Variants in UBIAD1 observed in about 807,000 individuals in gnomAD.
The protein encoded by UBIAD1 is ubiA prenyltransferase domain-containing protein 1.
In UBIAD1, 12 loss-of-function variants were observed where a neutral mutation model predicts 20.1. The observed-to-expected ratio is 0.60, with a 90% CI of 0.38 to 0.97. The LOEUF (loss-of-function observed/expected upper bound fraction) is 0.97, where lower values mean the gene tolerates loss of function less well. Ranked by LOEUF, UBIAD1 falls within the 50% of genes least tolerant of loss-of-function variation. The pLI is 0.00. For synonymous variants in UBIAD1, 207 were observed against 189.2 expected (o/e 1.09, Z -0.77); for missense variants, 333 against 419.5 (o/e 0.79, Z 1.80).
At chr1:11,294,957 C>A in exon 2 of UBIAD1, 1 of 717,454 alleles carries the variant, frequency 1.4e-6, no homozygotes, top group Non-Finnish European at 2.6e-6. Flanking sequence ...GACCTGCCTT[C>A]TAGACCTGCC....
At chr1:11,281,171 C>T (rs1363320048) in intron 1 of UBIAD1, among the ~76,000 whole-genome samples, 2 of 152,154 alleles carry the variant, frequency 1.3e-5, no homozygotes, top group African/African-American at 4.8e-5. Context: ...GGTTCACTTT[C>T]TCACTTCCTT....
intron 1 of UBIAD1, among the ~76,000 whole-genome samples, chr1:11,294,121 G>A (rs919734022): frequency 6.6e-6 from 1 of 152,186 alleles, no homozygotes; most frequent in Non-Finnish European, 1.5e-5. Context: ...ACCAGGCACT[G>A]TTCTGATGCT....
At chr1:11,289,128 G>A (rs1170521151), downstream of UBIAD1, among the ~76,000 whole-genome samples, 1 of 152,218 alleles carries the variant, frequency 6.6e-6, no homozygotes, top group Non-Finnish European at 1.5e-5. Flanking sequence ...GCAGAGAGAC[G>A]TGGGATGGAT....
intron 1 of UBIAD1, chr1:11,278,743 G>T (rs1652143764): frequency 1.5e-6 from 1 of 673,414 alleles, no homozygotes; most frequent in South Asian, 2.5e-5. Flanking sequence ...ACACTGGTGT[G>T]CTGCGGTCAT....
intron 1 of UBIAD1, among the ~76,000 whole-genome samples, chr1:11,274,481 T>TA (rs1309958012): frequency 1.3e-5 from 2 of 151,768 alleles, no homozygotes; most frequent in Admixed American, 1.3e-4. Flanking sequence ...GTATTTTTAT[T>TA]AGAGACGGGG....
At chr1:11,288,724 G>A (rs377484434), downstream of UBIAD1, among the ~76,000 whole-genome samples, 25 of 152,180 alleles carry the variant, frequency 1.6e-4, no homozygotes, top group East Asian at 2.3e-3. Context: ...CCTAAGTAAC[G>A]TAGTAAGACC....
intron 1 of UBIAD1, chr1:11,293,635 C>T (rs1236726138): frequency 6.6e-6 from 1 of 152,208 alleles, no homozygotes; most frequent in Non-Finnish European, 1.5e-5. Flanking sequence ...AGGTGAGTTC[C>T]ACTTGGGGTT....
chr1:11,282,225 T>C (rs1277316461), intron 1 of UBIAD1, among the ~76,000 whole-genome samples: 1 of 152,242 alleles, frequency 6.6e-6, no homozygotes, highest in African/African-American at 2.4e-5. Context: ...CCAGTTGCTC[T>C]GCGTCTTGCC....
At chr1:11,279,690 A>G (rs886412042) in intron 1 of UBIAD1, among the ~76,000 whole-genome samples, 5 of 152,272 alleles carry the variant, frequency 3.3e-5, no homozygotes, top group Non-Finnish European at 7.3e-5. Flanking sequence ...TGCTGGGATT[A>G]CAGGCATGAG....
chr1:11,273,865 G>A lies in UBIAD1; in HGVS notation c.334G>A (p.Asp112Asn). The part of the protein sequence containing the change: ...NTYYDFSKGI[D>N]HKKSDDRTLV... The stretch of plus-strand genomic sequence containing the variant: ...TTACTATGACTTTTCCAAGGGCATT[G>A]ACCACAAAAAGAGTGATGACAGGAC... Residue 112 changes from aspartate to asparagine, a missense_variant, in exon 1 of 2, where the codon GAC becomes AAC. This residue lies in a region of UBIAD1 where 50 missense variants were observed against 101.2 expected (regional missense o/e 0.49). Transcript: ENST00000376810. This position sits in a 1 kb window ranked among gnomAD's most constrained non-coding sequence, Gnocchi z 4.9. The A allele has an allele frequency of 6.2e-7, 1 of 1,614,210 alleles. No individual in the cohort carries two copies. The highest frequency in any genetic ancestry group is 8.5e-7 in the Non-Finnish European group (1 of 1,180,032).
At chr1:11,284,909 G>A (rs1274067996) in intron 1 of UBIAD1, among the ~76,000 whole-genome samples, 2 of 152,164 alleles carry the variant, frequency 1.3e-5, no homozygotes, top group Non-Finnish European at 1.5e-5. Context: ...TGACCATGAG[G>A]TAGATTTGGT....
rs147109441 is a variant in UBIAD1, at chr1:11,286,434, C to T, written c.*303C>T. 1.1e-3 allele frequency: 448 copies of T among 422,836 alleles called. 2 individuals carry two copies. Among genetic ancestry groups the T allele is most frequent in the African/African-American group, 8.6e-3 (426 of 49,488 alleles). 26.2% of individuals were successfully genotyped at this position (422,836 alleles called of 1,614,324 possible). The stretch of plus-strand genomic sequence containing the variant: ...TCAGGTCACTTTGCAGTGAAGTGGA[C>T]TTAGTTCCTCCTTGTTCTGTACAAA... On this transcript the variant is annotated 3_prime_UTR_variant, in exon 2 of 2. Transcript: ENST00000376810.
chr1:11,278,762 C>A, intron 1 of UBIAD1: 1 of 562,900 alleles, frequency 1.8e-6, no homozygotes, highest in South Asian at 3.0e-5. Flanking sequence ...ATCCACCATC[C>A]CACTGGAGTT....
chr1:11,297,237 C>T (rs2101030933), downstream of UBIAD1, among the ~76,000 whole-genome samples: 1 of 152,280 alleles, frequency 6.6e-6, no homozygotes, highest in Admixed American at 6.5e-5. Flanking sequence ...GTGATTAGGT[C>T]ACGAGAGTAG....
downstream of UBIAD1, among the ~76,000 whole-genome samples, chr1:11,291,502 G>A (rs139994694): frequency 1.2e-4 from 18 of 151,792 alleles, no homozygotes; most frequent in Non-Finnish European, 2.6e-4. Flanking sequence ...AGCGACTCGG[G>A]AGGCTGAGGC....
chr1:11,284,108 A>C (rs987407979), intron 1 of UBIAD1, among the ~76,000 whole-genome samples: 1 of 152,228 alleles, frequency 6.6e-6, no homozygotes, highest in Non-Finnish European at 1.5e-5. Flanking sequence ...AGAAAGGTGG[A>C]GATTAATTAG....
chr1:11,273,622 T>C lies in UBIAD1; in HGVS notation c.91T>C (p.Cys31Arg), dbSNP rs746727467. Residue 31 changes from cysteine to arginine, a missense_variant, in exon 1 of 2, where the codon TGT becomes CGT. This residue lies in a region of UBIAD1 where 57 missense variants were observed against 54.7 expected (regional missense o/e 1.04). Transcript: ENST00000376810. This position sits in a 1 kb window ranked among gnomAD's most constrained non-coding sequence, Gnocchi z 4.9. ...GGACAGGGACCCGCTGGGGAACGAC[T>C]GTCCCGAGCAAGATAGGCTCCCCCA... ...AGDRDPLGNDCPEQDRLPQRS... is the reference protein window; with the variant it reads ...AGDRDPLGNDRPEQDRLPQRS... 3.7e-6 allele frequency: 6 copies of C among 1,613,938 alleles called. No homozygotes were observed. In the Admixed American group the frequency reaches 1.0e-4, roughly 27 times the overall value.
chr1:11,280,354 C>T (rs1362525254), intron 1 of UBIAD1, among the ~76,000 whole-genome samples: 3 of 152,148 alleles, frequency 2.0e-5, no homozygotes, highest in African/African-American at 7.2e-5. Flanking sequence ...TCCTACTCCC[C>T]AACCTCCAGG....
downstream of UBIAD1, among the ~76,000 whole-genome samples, chr1:11,289,946 G>A (rs759113700): frequency 5.9e-5 from 9 of 152,056 alleles, no homozygotes; most frequent in Non-Finnish European, 1.3e-4. Context: ...TGGCCAGGCT[G>A]GTCTCAAACT....
Sources: allele counts gnomAD v4.1 joint callset (sites outside exome capture counted in the v4.1 genomes callset), GRCh38; gene constraint gnomAD v4.1.1; regional missense constraint gnomAD v4.1.1; non-coding constraint Gnocchi (gnomAD v3.1); transcripts MANE v1.5; gene names NCBI Gene and HGNC (gene_info 2026-07-23, HGNC 2026-07-21).